XPA: variants seen among roughly 807,000 people sequenced by gnomAD.
XPA encodes DNA repair protein complementing XP-A cells.
In XPA, 27 loss-of-function variants were observed where a neutral mutation model predicts 35.7. The ratio of observed to expected loss-of-function variants is 0.76; its 90% CI spans 0.56 to 1.04. The LOEUF is 1.04. XPA is among the 50% of genes least tolerant of loss of function. XPA has a pLI of 0.00. For missense variants in XPA, 354 were observed against 342.7 expected, an observed-to-expected ratio of 1.03 and a Z score of -0.26; for synonymous variants, 133 against 118.4, an observed-to-expected ratio of 1.12 and a Z score of -0.80.
At chr9:97,691,104 C>T (rs753513514) in intron 2 of XPA, among the ~76,000 whole-genome samples, 2 of 152,102 alleles carry the variant, frequency 1.3e-5, no homozygotes, top group African/African-American at 4.8e-5. Context: ...CAACATTGCA[C>T]AAGAAAAAGC....
At chr9:97,687,292 T>C (rs1399901900) in intron 3 of XPA, 31 bp from the exon 4 acceptor site, 3 of 1,556,280 alleles carry the variant, frequency 1.9e-6, no homozygotes, top group African/African-American at 2.8e-5. Context: ...TTATATAAAT[T>C]AGTTATTTTA....
chr9:97,671,560 C>T (rs1828194242), downstream of XPA: 1 of 162,454 alleles, frequency 6.2e-6, no homozygotes, highest in African/African-American at 2.4e-5. Flanking sequence ...CCCAGCTACC[C>T]AGTAGCATAA....
intron 5 of XPA, among the ~76,000 whole-genome samples, chr9:97,680,560 T>C (rs1271454992): frequency 6.6e-6 from 1 of 152,118 alleles, no homozygotes; most frequent in Non-Finnish European, 1.5e-5. Flanking sequence ...CATGCTGAAG[T>C]GTTTATAAGA....
intron 5 of XPA, among the ~76,000 whole-genome samples, chr9:97,680,234 G>T (rs1464465715): frequency 6.6e-6 from 1 of 152,082 alleles, no homozygotes; most frequent in South Asian, 2.1e-4. Flanking sequence ...TTGAGACAGG[G>T]TTTCACTCTT....
the XPA span, among the ~76,000 whole-genome samples, chr9:97,659,955 C>T: frequency 6.6e-6 from 1 of 152,158 alleles, no homozygotes; most frequent in African/African-American, 2.4e-5. Flanking sequence ...TTTGCCATTA[C>T]CCCAGTCTGG....
At position 97,675,321 on chromosome 9, in the gene XPA, C is replaced by T. The variant is rs949798645; in HGVS notation, c.*118G>A. 2 of 1,118,242 alleles carry T rather than the reference C, an allele frequency of 1.8e-6. No homozygotes were observed. The highest frequency in any genetic ancestry group is 2.6e-5 in the East Asian group (1 of 38,930). The allele number at this position is 1,118,242 out of a possible 1,614,324, so 69.3% of individuals were successfully genotyped here. A position where few individuals can be genotyped will look rare whatever the true frequency, so the allele number is the denominator to read the frequency against. On this transcript the variant is annotated 3_prime_UTR_variant, in exon 6 of 6. Coordinates refer to ENST00000375128, the MANE Select transcript of XPA (RefSeq NM_000380.4). ...AATTATTACTGAAGTATTACTTATACAAGGGTTTCATTCATCTATGAAGAT... is the reference window on the plus strand; with the variant it reads ...AATTATTACTGAAGTATTACTTATATAAGGGTTTCATTCATCTATGAAGAT...
intron 5 of XPA, among the ~76,000 whole-genome samples, chr9:97,677,665 C>G (rs111835015): frequency 1.2e-3 from 179 of 152,140 alleles, no homozygotes; most frequent in African/African-American, 4.1e-3. Context: ...CACTGCACTC[C>G]AGCCTAGGTG....
At chr9:97,671,772 G>A (rs1281724301), downstream of XPA, 1 of 152,180 alleles carries the variant, frequency 6.6e-6, no homozygotes, top group African/African-American at 2.4e-5. Flanking sequence ...TAATAAAAGT[G>A]TTACTAGTTG....
At chr9:97,694,813 C>G (rs971489962) in intron 1 of XPA, among the ~76,000 whole-genome samples, 1 of 152,106 alleles carries the variant, frequency 6.6e-6, no homozygotes, top group Admixed American at 6.5e-5. Context: ...AGAATGTGTA[C>G]AGAGGTTTCA....
At chr9:97,674,752 T>C (rs1828296778), downstream of XPA, among the ~76,000 whole-genome samples, 1 of 152,234 alleles carries the variant, frequency 6.6e-6, no homozygotes, top group South Asian at 2.1e-4. Context: ...CAGTAAATGT[T>C]AGCACTACTT....
chr9:97,674,249 A>G (rs1828284260), downstream of XPA, among the ~76,000 whole-genome samples: 1 of 152,178 alleles, frequency 6.6e-6, no homozygotes, highest in South Asian at 2.1e-4. Flanking sequence ...CTGCCCATTC[A>G]GAATCAATTT....
In XPA at chr9:97,675,137, A is replaced by T; in HGVS notation, c.*302T>A. ...ACCCCAATCTAGGGTTTGCCTTGGT[A>T]TCTTGTCCTCAAATTTGTAGCTGAC... On this transcript the variant is annotated 3_prime_UTR_variant, in exon 6 of 6. Transcript: ENST00000375128. 1.8e-6 allele frequency: 1 copy of T among 561,242 alleles called. No homozygotes were observed. Among genetic ancestry groups the T allele is most frequent in the Non-Finnish European group, 3.4e-6 (1 of 295,564 alleles). 34.8% of individuals were successfully genotyped at this position (561,242 alleles called of 1,614,324 possible).
At chr9:97,690,518 G>A (rs1828854579) in intron 2 of XPA, among the ~76,000 whole-genome samples, 1 of 152,168 alleles carries the variant, frequency 6.6e-6, no homozygotes. Flanking sequence ...CTCCCAAGTA[G>A]CTGGGATTAC....
chr9:97,680,374 A>G (rs1204683665), intron 5 of XPA, among the ~76,000 whole-genome samples: 1 of 152,030 alleles, frequency 6.6e-6, no homozygotes, highest in East Asian at 1.9e-4. Context: ...ATGCCCAGCT[A>G]ATTTTTGTAT....
At chr9:97,669,017 AT>A in the XPA span, 1 of 1,525,666 alleles carries the variant, frequency 6.6e-7, no homozygotes, top group South Asian at 1.2e-5. Context: ...GAAACAATAC[AT>A]TTCTTTAGTT....
At chr9:97,664,505 A>T in the XPA span, 1 of 1,115,916 alleles carries the variant, frequency 9.0e-7, no homozygotes, top group Non-Finnish European at 1.3e-6. Flanking sequence ...GTGGTCTCTT[A>T]TACATAAGCT....
the XPA span, chr9:97,658,656 C>T: frequency 3.7e-6 from 6 of 1,610,946 alleles, no homozygotes; most frequent in Non-Finnish European, 4.2e-6. Flanking sequence ...TTACCATCAG[C>T]GTATATTAGA....
chr9:97,672,147 A>G (rs1481644780), downstream of XPA: 4 of 152,228 alleles, frequency 2.6e-5, no homozygotes, highest in Non-Finnish European at 5.9e-5. Flanking sequence ...TGCTGAAATA[A>G]GATGACAGCA....
At position 97,697,264 on chromosome 9, in the gene XPA, T is replaced by C. The variant is rs755452842; in HGVS notation, c.29A>G (p.Glu10Gly). ...CGCGGGTTGCTCTAAAGCCGCCGCC[T>C]CCGGCAAAGCCCCGTCGGCCGCCGC... MAAADGALP[E>G]AAALEQPAEL... Residue 10 changes from glutamate (E) to glycine (G), a missense_variant, in exon 1 of 6, where the codon GAG (glutamate) becomes GGG (glycine). By Grantham distance (98) the Glu-to-Gly change is moderately conservative. Transcript: ENST00000375128. 6 of 1,599,300 alleles carry C rather than the reference T, an allele frequency of 3.8e-6. No individual in the cohort carries two copies. The highest frequency in any genetic ancestry group is 2.2e-5 in the East Asian group (1 of 44,798).
Sources: allele counts gnomAD v4.1 joint callset (sites outside exome capture counted in the v4.1 genomes callset), GRCh38; gene constraint gnomAD v4.1.1; transcripts MANE v1.5; gene names NCBI Gene and HGNC (gene_info 2026-07-23, HGNC 2026-07-21).